SFXN3: variants seen among roughly 807,000 people sequenced by gnomAD.
SFXN3 encodes the protein sideroflexin 3.
Under a neutral mutation model 40.4 loss-of-function variants are expected in SFXN3, and 31 were observed. The ratio of observed to expected loss-of-function variants is 0.77; its 90% CI spans 0.58 to 1.04. The LOEUF is 1.04. Among genes scored for constraint, SFXN3 ranks in the 50% least tolerant of loss-of-function variants. The pLI, the probability that SFXN3 is intolerant of heterozygous loss-of-function variation, is 0.00. For missense variants in SFXN3, 366 were observed against 408.2 expected (o/e 0.90, Z 0.89); for synonymous variants, 157 against 160.0 (o/e 0.98, Z 0.14).
At chr10:101,037,406 C>T (rs1373977844) in exon 9 of SFXN3, 6 of 1,613,202 alleles carry the variant, frequency 3.7e-6, no homozygotes, top group Admixed American at 1.7e-5. Flanking sequence ...ATCATGGACA[C>T]TCTGGAGAAG....
chr10:101,037,356 C>T (rs577759116), intron 8 of SFXN3, 26 bp from the exon 9 acceptor site: 2 of 1,614,156 alleles, frequency 1.2e-6, no homozygotes, highest in Admixed American at 1.7e-5. Context: ...CTAATGTTCT[C>T]CTTCTTGGCC....
chr10:101,039,242 TGGG>T lies in SFXN3; in HGVS notation c.869+21_869+23del. On this transcript the variant is annotated intron_variant, in intron 11 of 11. Coordinates refer to ENST00000393459, the Ensembl canonical transcript of SFXN3. This position sits in a 1 kb window ranked among gnomAD's most constrained non-coding sequence, Gnocchi z 4.6. ...GAAGAGGTAAGTGCTGTCCCTGGGC[TGGG>T]TGGGGGACTCTGGATTGGACTCTGC... 6.3e-7 allele frequency: 1 copy of T among 1,599,308 alleles called. No homozygotes were observed. Among genetic ancestry groups the T allele is most frequent in the Non-Finnish European group, 8.5e-7 (1 of 1,172,452 alleles).
intron 9 of SFXN3, 71 bp from the exon 10 acceptor site, chr10:101,038,572 T>C (rs1408331731): frequency 1.1e-5 from 18 of 1,612,814 alleles, no homozygotes; most frequent in Non-Finnish European, 1.4e-5. Flanking sequence ...GATAGAGCTA[T>C]GGTGGGTGAA....
At position 101,037,219 on chromosome 10, in the gene SFXN3, C is replaced by T. The variant is rs750075752; in HGVS notation, c.721+16C>T. ...CCTGCCATGGGTAAGGCGGGAGTGG[C>T]TGGGTGGGGCATAGGAGACTCTGAG... On this transcript the variant is annotated intron_variant, in intron 8 of 11. Transcript: ENST00000393459. The T allele has an allele frequency of 4.3e-5, 69 of 1,613,582 alleles. No individual in the cohort carries two copies. The East Asian group carries it at 1.5e-3, about 34-fold the overall frequency.
At chr10:101,038,336 C>T in intron 9 of SFXN3, 1 of 1,308,914 alleles carries the variant, frequency 7.6e-7, no homozygotes, top group Non-Finnish European at 9.8e-7. Context: ...CAGGAGGTTT[C>T]CTGAAGAAAT....
At chr10:101,038,924 T>C (rs1436762062) in intron 10 of SFXN3, among the ~76,000 whole-genome samples, 1 of 152,134 alleles carries the variant, frequency 6.6e-6, no homozygotes, top group Non-Finnish European at 1.5e-5. Flanking sequence ...GAGGAAACCA[T>C]GGAAATGTAC....
chr10:101,037,306 G>C (rs1037552545), intron 8 of SFXN3, 76 bp from the exon 9 acceptor site: 1 of 1,613,860 alleles, frequency 6.2e-7, no homozygotes, highest in Non-Finnish European at 8.5e-7. Flanking sequence ...GGAGCTTTGA[G>C]GGGGGTCACC....
At chr10:101,032,100 G>T (rs911849506) in intron 1 of SFXN3, 11 of 243,024 alleles carry the variant, frequency 4.5e-5, no homozygotes, top group Non-Finnish European at 6.3e-5. Flanking sequence ...TGGGCACCTA[G>T]ACCGCTTGCT....
At position 101,035,607 on chromosome 10, in the gene SFXN3, G is replaced by A. The variant is rs767170184; in HGVS notation, c.272G>A (p.Arg91His). The A allele has an allele frequency of 9.9e-6, 16 of 1,613,946 alleles. No individual in the cohort carries two copies. Among genetic ancestry groups the A allele is most frequent in the East Asian group, 4.5e-5 (2 of 44,896 alleles). The stretch of plus-strand genomic sequence containing the variant: ...GGGGAGAAGGTGGTCCTGATTGGCC[G>A]CATGTCAGCCCAGGTGCCCATGAAC... The change falls in exon 4 of 12, where the codon CGC (arginine) becomes CAC (histidine). Residue 91 changes from arginine to histidine, a missense_variant. Arg to His is a conservative substitution (Grantham distance 29). Transcript: ENST00000393459.
chr10:101,035,540 AG>A lies in SFXN3; in HGVS notation c.208del (p.Ala70ProfsTer19). 6.2e-7 allele frequency: 1 copy of A among 1,613,038 alleles called. No homozygotes were observed. Among genetic ancestry groups the A allele is most frequent in the Non-Finnish European group, 8.5e-7 (1 of 1,179,630 alleles). On this transcript the variant is annotated frameshift_variant, in exon 4 of 12. Coordinates refer to ENST00000393459, the Ensembl canonical transcript of SFXN3. LOFTEE classifies it high-confidence loss of function. ...AGGGATCACCGAGGACCAGCTGTGGAGGGCCAAGTATGTGTATGACTCCGCC... is the reference window on the plus strand; with the variant it reads ...AGGGATCACCGAGGACCAGCTGTGGAGGCCAAGTATGTGTATGACTCCGCC...
At chr10:101,041,235 T>C (rs1297995041) in exon 12 of SFXN3, 2 of 152,042 alleles carry the variant, frequency 1.3e-5, no homozygotes, top group Admixed American at 1.3e-4. Flanking sequence ...AACTGCAAAC[T>C]TGTCTACTTC....
intron 9 of SFXN3, 48 bp from the exon 10 acceptor site, chr10:101,038,595 T>C: frequency 6.2e-7 from 1 of 1,613,642 alleles, no homozygotes; most frequent in Non-Finnish European, 8.5e-7. Flanking sequence ...GGGGTGACAG[T>C]GAGGCAGGGG....
chr10:101,032,427 G>T, exon 2 of SFXN3: 1 of 1,514,100 alleles, frequency 6.6e-7, no homozygotes, highest in South Asian at 1.2e-5. Flanking sequence ...GCCCGGCGGC[G>T]ACAGCGGAGG....
At chr10:101,037,241 T>G (rs773634927) in intron 8 of SFXN3, 38 bp downstream of exon 8, 2 of 1,613,436 alleles carry the variant, frequency 1.2e-6, no homozygotes, top group East Asian at 4.5e-5. Context: ...TAGGAGACTC[T>G]GAGAGAAGCA....
exon 10 of SFXN3, chr10:101,038,689 T>A (rs1417306330): frequency 6.2e-7 from 1 of 1,611,284 alleles, no homozygotes. Context: ...CTGGTGGGCT[T>A]CTGGTAAGTG....
chr10:101,039,172 C>T lies in SFXN3; in HGVS notation c.822-3C>T, dbSNP rs754053287. The stretch of plus-strand genomic sequence containing the variant: ...AAACCTTTCCAACACTTGTCTCCCC[C>T]AGCCTGGTATTTGCAACCCCCCTGT... On this transcript the variant is annotated splice_polypyrimidine_tract_variant and splice_region_variant and intron_variant, in intron 10 of 11. Transcript: ENST00000393459. This position sits in a 1 kb window ranked among gnomAD's most constrained non-coding sequence, Gnocchi z 4.6. The T allele has an allele frequency of 2.4e-5, 39 of 1,609,162 alleles. No homozygotes were observed. The highest frequency in any genetic ancestry group is 1.4e-5 in the Non-Finnish European group (17 of 1,176,094).
chr10:101,032,475 TG>T, exon 2 of SFXN3: 1 of 1,550,258 alleles, frequency 6.5e-7, no homozygotes, highest in Non-Finnish European at 8.7e-7. Context: ...CAGAGAGCGA[TG>T]GAAAGCGTAA....
chr10:101,034,114 T>C (rs1444070280), intron 2 of SFXN3, among the ~76,000 whole-genome samples: 1 of 151,980 alleles, frequency 6.6e-6, no homozygotes, highest in East Asian at 1.9e-4. Context: ...AGACCCTTTA[T>C]GGGTGTCAAG....
rs755143890 is a variant in SFXN3, at chr10:101,039,448, G to A, written c.870-41G>A. The A allele has an allele frequency of 1.3e-6, 2 of 1,578,498 alleles. No homozygotes were observed. The highest frequency in any genetic ancestry group is 8.7e-7 in the Non-Finnish European group (1 of 1,147,830). ...CAATCCCTGGGCCTGAGTGGGGTTG[G>A]ATTCAGGGGACGTTAACTGGCCTGT... On this transcript the variant is annotated intron_variant, in intron 11 of 11. Transcript: ENST00000393459. The surrounding 1 kb of genome is among the most constrained non-coding windows in gnomAD (Gnocchi z 4.6).
Sources: gnomAD v4.1 joint callset for allele counts (sites outside exome capture counted in the v4.1 genomes callset) on GRCh38, gnomAD v4.1.1 for gene constraint, Gnocchi (gnomAD v3.1) non-coding constraint, MANE v1.5 for transcripts, NCBI Gene and HGNC (gene_info 2026-07-23, HGNC 2026-07-21) for gene names.